Variants in FAAH observed in about 807,000 individuals in gnomAD.
FAAH encodes fatty acid amide hydrolase.
FAAH carries 63 observed loss-of-function variants against 69.7 expected under a neutral mutation model. The ratio of observed to expected loss-of-function variants is 0.90; its 90% confidence interval spans 0.74 to 1.12. FAAH has a LOEUF of 1.12. Ranked by LOEUF, FAAH falls within the 50% of genes most tolerant of loss-of-function variation. The pLI, the probability that FAAH is intolerant of heterozygous loss-of-function variation, is 0.00. For synonymous variants in FAAH, 305 were observed against 324.2 expected, an observed-to-expected ratio of 0.94 and a Z score of 0.64; for missense variants, 680 against 755.0, an observed-to-expected ratio of 0.90 and a Z score of 1.16.
At position 46,404,915 on chromosome 1, in the gene FAAH, G is replaced by A; in HGVS notation, c.310-99G>A. On this transcript the variant is annotated intron_variant, in intron 2 of 14. Transcript: ENST00000243167. This position sits in a 1 kb window ranked among gnomAD's most constrained non-coding sequence, Gnocchi z 4.5. ...TGTTGCTGGTTACCCCTCTCCCTGG[G>A]TATACTTTAAAAGGCCAGTTCTACA... The A allele has an allele frequency of 6.5e-7, 1 of 1,540,050 alleles. No individual in the cohort carries two copies. The highest frequency in any genetic ancestry group is 1.7e-5 in the Admixed American group (1 of 57,504).
At chr1:46,406,520 G>A in intron 7 of FAAH, 152 bp downstream of exon 7, 1 of 860,352 alleles carries the variant, frequency 1.2e-6, no homozygotes, top group Non-Finnish European at 1.9e-6. Flanking sequence ...ACGGCCACCA[G>A]ATGGAGCCCT....
chr1:46,399,576 T>C (rs921160910), intron 1 of FAAH, among the ~76,000 whole-genome samples: 1 of 152,220 alleles, frequency 6.6e-6, no homozygotes, highest in Admixed American at 6.5e-5. Flanking sequence ...GGGCGCCTTG[T>C]AGCGAGGTCG....
rs549788107 is a variant in FAAH at position 46,405,179 on chromosome 1, C to T, written c.444+31C>T. On this transcript the variant is annotated intron_variant, in intron 3 of 14. Coordinates refer to ENST00000243167, the MANE Select transcript of FAAH (RefSeq NM_001441.3). This position sits in a 1 kb window ranked among gnomAD's most constrained non-coding sequence, Gnocchi z 4.1. ...CTCTGCCTCAGCGCCAGGCCTCCAT[C>T]GTCCCCTCCATCCCTGCCAGCCTGC... 38 of 1,613,494 alleles carry T rather than the reference C, an allele frequency of 2.4e-5. No homozygotes were observed. The highest frequency in any genetic ancestry group is 5.5e-5 in the South Asian group (5 of 91,074).
rs187901887 is a variant in FAAH, at chr1:46,399,893, T to C, written c.196-2198T>C. 3.1e-3 allele frequency among the ~76,000 whole-genome samples: 473 copies of C among 152,280 alleles called. 1 individual carries two copies. Among genetic ancestry groups the C allele is most frequent in the African/African-American group, 0.011 (451 of 41,546 alleles). On this transcript the variant is annotated intron_variant, in intron 1 of 14. Coordinates refer to ENST00000243167, the MANE Select transcript of FAAH (RefSeq NM_001441.3). ...AGAGTACACCAGAAACTGTTAATTA[T>C]AGTTTTCCTTTATAGAGGAGGGACT...
chr1:46,398,825 A>G lies in FAAH; in HGVS notation c.196-3266A>G, dbSNP rs899946281. 3.9e-5 allele frequency among the ~76,000 whole-genome samples: 6 copies of G among 151,968 alleles called. No individual in the cohort carries two copies. The South Asian group carries it at 8.3e-4, about 21-fold the overall frequency. ...GCTGGGATTACAGGTGTGAGCCACC[A>G]CTCCCGGATTCTTGGCTGTGTCCAA... On this transcript the variant is annotated intron_variant, in intron 1 of 14. Coordinates refer to ENST00000243167, the MANE Select transcript of FAAH (RefSeq NM_001441.3).
In FAAH at chr1:46,412,161, A is replaced by T. The variant is rs1664927726; in HGVS notation, c.1375A>T (p.Ile459Phe). The T allele has an allele frequency of 1.9e-6, 3 of 1,561,684 alleles. No individual in the cohort carries two copies. The East Asian group carries it at 7.2e-5, about 38-fold the overall frequency. Residue 459 changes from isoleucine to phenylalanine, a missense_variant, in exon 13 of 15, where the codon ATT (isoleucine) becomes TTT (phenylalanine). Ile to Phe is a conservative substitution (Grantham distance 21, BLOSUM62 0). Coordinates refer to ENST00000243167, the MANE Select transcript of FAAH (RefSeq NM_001441.3). ...TCCGCAGGTGTACCGCAAAACCGTG[A>T]TTGCCCAGTGGAGGGCGCTGGACCT... ...HEIEVYRKTVIAQWRALDLDV... is the reference protein window; with the variant it reads ...HEIEVYRKTVFAQWRALDLDV...
At position 46,410,077 on chromosome 1, in the gene FAAH, TG is replaced by T. The variant is rs1569822987; in HGVS notation, c.1176-320del. On this transcript the variant is annotated intron_variant, in intron 9 of 14. Coordinates refer to ENST00000243167, the MANE Select transcript of FAAH (RefSeq NM_001441.3). The surrounding 1 kb of genome is among the most constrained non-coding windows in gnomAD (Gnocchi z 4.9). ...GATTTCCCCACCTGTGCCTCCAGGC[TG>T]TACCTCCCTAAGGGGAGGTACCCTC... 8.4e-5 allele frequency: 24 copies of T among 287,156 alleles called. No homozygotes were observed. The East Asian group carries it at 1.9e-3, about 22-fold the overall frequency. The allele number at this position is 287,156 out of a possible 1,614,324, so 17.8% of individuals were successfully genotyped here. A position where few individuals can be genotyped will look rare whatever the true frequency, so the allele number is the denominator to read the frequency against.
chr1:46,407,666 A>T (rs1418471145), intron 7 of FAAH, among the ~76,000 whole-genome samples: 1 of 152,088 alleles, frequency 6.6e-6, no homozygotes, highest in Non-Finnish European at 1.5e-5. Flanking sequence ...CTGGGGCCAG[A>T]TGTCCCCAGT....
At chr1:46,396,519 C>A (rs941649020) in intron 1 of FAAH, among the ~76,000 whole-genome samples, 1 of 152,206 alleles carries the variant, frequency 6.6e-6, no homozygotes, top group Non-Finnish European at 1.5e-5. Context: ...TTGGAGAATA[C>A]CCAGGCTTTC....
Position 46,405,530 on chromosome 1 carries a change from C to T in FAAH, c.578+25C>T, listed in dbSNP as rs201780806. On this transcript the variant is annotated intron_variant, in intron 4 of 14. Transcript: ENST00000243167. The surrounding 1 kb of genome is among the most constrained non-coding windows in gnomAD (Gnocchi z 4.1). ...GGTTGGGTCTTGGGGTGGGGCGGGGCGGGGCAGGGGCACCGGTCCCAGCAT... is the reference window on the plus strand; with the variant it reads ...GGTTGGGTCTTGGGGTGGGGCGGGGTGGGGCAGGGGCACCGGTCCCAGCAT... 94 of 287,072 alleles carry T rather than the reference C, an allele frequency of 3.3e-4. 1 individual carries two copies. Among genetic ancestry groups the T allele is most frequent in the Admixed American group, 1.3e-3 (27 of 21,044 alleles). 17.8% of individuals were successfully genotyped at this position (287,072 alleles called of 1,614,324 possible). A position where few individuals can be genotyped will look rare whatever the true frequency, so the allele number is the denominator to read the frequency against.
intron 7 of FAAH, among the ~76,000 whole-genome samples, chr1:46,408,195 G>A (rs1220460556): frequency 6.6e-6 from 1 of 152,118 alleles, no homozygotes; most frequent in Non-Finnish European, 1.5e-5. Flanking sequence ...GTAGCTTTGG[G>A]CAAGTCCCAG....
chr1:46,410,163 T>C lies in FAAH; in HGVS notation c.1176-235T>C. ...TCTTAGAGCTCTGAGCTGGGTTTGC[T>C]GGAGAGGGATACCCTGAGTCCTGCC... On this transcript the variant is annotated intron_variant, in intron 9 of 14. Transcript: ENST00000243167. This position sits in a 1 kb window ranked among gnomAD's most constrained non-coding sequence, Gnocchi z 4.9. 1.8e-6 allele frequency: 1 copy of C among 543,800 alleles called. No homozygotes were observed. The highest frequency in any genetic ancestry group is 3.3e-5 in the East Asian group (1 of 30,236). 33.7% of individuals were successfully genotyped at this position (543,800 alleles called of 1,614,324 possible). A position where few individuals can be genotyped will look rare whatever the true frequency, so the allele number is the denominator to read the frequency against.
At position 46,413,556 on chromosome 1, in the gene FAAH, C is replaced by T; in HGVS notation, c.1721C>T (p.Pro574Leu). 1 of 1,614,114 alleles carries T rather than the reference C, an allele frequency of 6.2e-7. No individual in the cohort carries two copies. The highest frequency in any genetic ancestry group is 2.2e-5 in the East Asian group (1 of 44,878). ...FMREVERLMTPEKQSS is the reference protein window; with the variant it reads ...FMREVERLMTLEKQSS Reference sequence around the variant, plus strand: ...CGGGAGGTGGAGCGACTGATGACCCCTGAAAAGCAGTCATCCTGATGGCTC... The same window carrying T: ...CGGGAGGTGGAGCGACTGATGACCCTTGAAAAGCAGTCATCCTGATGGCTC... Residue 574 changes from proline to leucine, a missense_variant, in exon 15 of 15, where the codon CCT (proline) becomes CTT (leucine). Physicochemically the swap from Pro to Leu is moderately conservative, Grantham distance 98. Transcript: ENST00000243167.
rs1664961031 is a variant in FAAH, at chr1:46,413,816, G to A, written c.*241G>A. On this transcript the variant is annotated 3_prime_UTR_variant, in exon 15 of 15. Coordinates refer to ENST00000243167, the MANE Select transcript of FAAH (RefSeq NM_001441.3). ...TGTGGCAGCCCATGGGTATGACATA[G>A]GCCAAGGCCCAACTAACAGTCAAGA... 1 of 553,332 alleles carries A rather than the reference G, an allele frequency of 1.8e-6. No individual in the cohort carries two copies. The highest frequency in any genetic ancestry group is 2.0e-5 in the South Asian group (1 of 50,728). The allele number at this position is 553,332 out of a possible 1,614,324, so 34.3% of individuals were successfully genotyped here.
Position 46,405,744 on chromosome 1 carries a change from C to T in FAAH, c.735C>T (p.Pro245=), listed in dbSNP as rs1664781809. The T allele has an allele frequency of 6.2e-7, 1 of 1,613,408 alleles. No individual in the cohort carries two copies. The highest frequency in any genetic ancestry group is 1.7e-5 in the Admixed American group (1 of 60,008). Residue 245 remains proline (P), a synonymous_variant, in exon 5 of 15, where the codon CCC becomes CCT. Coordinates refer to ENST00000243167, the MANE Select transcript of FAAH (RefSeq NM_001441.3). The surrounding 1 kb of genome is among the most constrained non-coding windows in gnomAD (Gnocchi z 4.1). ...ATATCGGAGGCAGCATCCGCTTCCC[C>T]TCCTCCTTCTGCGGCATCTGCGGCC... ...GTDIGGSIRF[P]SSFCGICGLK...
chr1:46,403,980 C>G (rs1158175516), intron 2 of FAAH, among the ~76,000 whole-genome samples: 2 of 152,206 alleles, frequency 1.3e-5, no homozygotes, highest in South Asian at 4.1e-4. Flanking sequence ...TTGAGTGTGG[C>G]CTGCATGATT....
chr1:46,401,253 G>A (rs753193846), intron 1 of FAAH, among the ~76,000 whole-genome samples: 1 of 151,780 alleles, frequency 6.6e-6, no homozygotes, highest in African/African-American at 2.4e-5. Flanking sequence ...AGAGGGAAGA[G>A]AAGGTACCCA....
chr1:46,413,683 G>T lies in FAAH; in HGVS notation c.*108G>T, dbSNP rs1664958469. ...AGGAAATGTCCTGCATGGGGCAGAG[G>T]CTTCCGTGTCCTCTCCCCCAACCCC... is the stretch of plus-strand genomic sequence containing the variant. On this transcript the variant is annotated 3_prime_UTR_variant, in exon 15 of 15. Coordinates refer to ENST00000243167, the MANE Select transcript of FAAH (RefSeq NM_001441.3). 6.5e-7 allele frequency: 1 copy of T among 1,528,820 alleles called. No homozygotes were observed. Among genetic ancestry groups the T allele is most frequent in the Non-Finnish European group, 9.0e-7 (1 of 1,115,798 alleles). The allele number at this position is 1,528,820 out of a possible 1,614,324, so 94.7% of individuals were successfully genotyped here. A position where few individuals can be genotyped will look rare whatever the true frequency, so the allele number is the denominator to read the frequency against.
rs753847843 is a variant in FAAH at position 46,408,472 on chromosome 1, C to A, written c.965C>A (p.Ser322Tyr). 1 of 1,614,200 alleles carries A rather than the reference C, an allele frequency of 6.2e-7. No homozygotes were observed. The highest frequency in any genetic ancestry group is 1.1e-5 in the South Asian group (1 of 91,084). Reference protein sequence around the residue: ...LPFREEVYTSSQPLRVGYYET... With the variant: ...LPFREEVYTSYQPLRVGYYET... Reference sequence around the variant, plus strand: ...TTTTCCCTCCAGGTCTACACCAGCTCTCAGCCCCTGCGTGTGGGGTACTAT... The same window carrying A: ...TTTTCCCTCCAGGTCTACACCAGCTATCAGCCCCTGCGTGTGGGGTACTAT... The change falls in exon 8 of 15, where the codon TCT becomes TAT. Residue 322 changes from serine (S) to tyrosine (Y), a missense_variant. Ser to Tyr is a moderately radical substitution (Grantham distance 144, BLOSUM62 -2). Transcript: ENST00000243167.
Sources: gnomAD v4.1 joint callset for allele counts (sites outside exome capture counted in the v4.1 genomes callset) on GRCh38, gnomAD v4.1.1 for gene constraint, Gnocchi (gnomAD v3.1) non-coding constraint, MANE v1.5 for transcripts, NCBI Gene and HGNC (gene_info 2026-07-23, HGNC 2026-07-21) for gene names.